UBE2O: variants seen among roughly 807,000 people sequenced by gnomAD.
UBE2O encodes ubiquitin conjugating enzyme E2 O, also known as (E3-independent) E2 ubiquitin-conjugating enzyme.
In UBE2O, 15 loss-of-function variants were observed where a neutral mutation model predicts 125.8. That is an observed-to-expected ratio of 0.12 (90% CI 0.08 to 0.18). UBE2O has a LOEUF of 0.18. UBE2O is among the 10% of genes least tolerant of loss of function. The probability of loss-of-function intolerance (pLI) is 1.00; values close to 1 mark genes in which losing one functional copy is unlikely to be tolerated. For missense variants in UBE2O, 1,280 were observed against 1,723.6 expected (o/e 0.74, Z 4.56); for synonymous variants, 708 against 703.2 (o/e 1.01, Z -0.11).
intron 1 of UBE2O, among the ~76,000 whole-genome samples, chr17:76,419,490 C>T (rs1029777828): frequency 1.3e-5 from 2 of 152,156 alleles, no homozygotes; most frequent in South Asian, 2.1e-4. Flanking sequence ...ACTAAGAAAG[C>T]GAGAGTTGAC....
chr17:76,397,755 G>C, intron 13 of UBE2O, 44 bp downstream of exon 13: 1 of 1,596,398 alleles, frequency 6.3e-7, no homozygotes, highest in Non-Finnish European at 8.6e-7. Context: ...GGCCCAAGTT[G>C]CCATAGTCAC....
Position 76,399,380 on chromosome 17 carries a change from C to G in UBE2O, c.1628+69G>C, listed in dbSNP as rs1002413542. ...GTGTGTGCGAGCGCAGGCACGCACA[C>G]CGAGGGGACGCGCACTCTGCCTGGC... On this transcript the variant is annotated intron_variant, in intron 9 of 17. Transcript: ENST00000319380. The surrounding 1 kb of genome is among the most constrained non-coding windows in gnomAD (Gnocchi z 6.9). 17 of 1,480,680 alleles carry G rather than the reference C, an allele frequency of 1.1e-5. No individual in the cohort carries two copies. In the East Asian group the frequency reaches 3.6e-4, roughly 32 times the overall value. 91.7% of individuals were successfully genotyped at this position (1,480,680 alleles called of 1,614,324 possible). A position where few individuals can be genotyped will look rare whatever the true frequency, so the allele number is the denominator to read the frequency against.
At chr17:76,434,774 C>CTTT (rs751998179) in intron 1 of UBE2O, among the ~76,000 whole-genome samples, 3 of 139,160 alleles carry the variant, frequency 2.2e-5, no homozygotes, top group African/African-American at 5.5e-5. Context: ...TTCACTTAAG[C>CTTT]TTTTTTTTTT....
chr17:76,451,091 C>T (rs1274248651), intron 1 of UBE2O, among the ~76,000 whole-genome samples: 1 of 152,200 alleles, frequency 6.6e-6, no homozygotes, highest in African/African-American at 2.4e-5. Context: ...GCTGGGCCTA[C>T]CTCCCTGAGT....
intron 1 of UBE2O, among the ~76,000 whole-genome samples, chr17:76,426,621 C>T (rs2072815002): frequency 6.6e-6 from 1 of 152,170 alleles, no homozygotes; most frequent in Non-Finnish European, 1.5e-5. Context: ...TGGAACATGT[C>T]TACTTGACTC....
At position 76,399,978 on chromosome 17, in the gene UBE2O, C is replaced by T. The variant is rs1346299442; in HGVS notation, c.1156-57G>A. The T allele has an allele frequency of 1.9e-6, 3 of 1,546,356 alleles. No homozygotes were observed. The highest frequency in any genetic ancestry group is 4.5e-5 in the East Asian group (2 of 44,490). ...TGAGGTGCACCTGGGCAGGCCTGGC[C>T]CTAGGCATCTCAGGCTGGGGGGATG... On this transcript the variant is annotated intron_variant, in intron 8 of 17. Coordinates refer to ENST00000319380, the MANE Select transcript of UBE2O (RefSeq NM_022066.4). This position sits in a 1 kb window ranked among gnomAD's most constrained non-coding sequence, Gnocchi z 6.9.
rs2072490384 is a variant in UBE2O at position 76,410,067 on chromosome 17, G to A, written c.418-4495C>T. 6.6e-6 allele frequency among the ~76,000 whole-genome samples: 1 copy of A among 152,100 alleles called. No homozygotes were observed. The highest frequency in any genetic ancestry group is 1.5e-5 in the Non-Finnish European group (1 of 68,020). Reference sequence around the variant, plus strand: ...GGAGGAGTAGCTGTCAAGGTGCTGGGTGGGGTGACTGGCACAGGCCGGCAA... The same window carrying A: ...GGAGGAGTAGCTGTCAAGGTGCTGGATGGGGTGACTGGCACAGGCCGGCAA... On this transcript the variant is annotated intron_variant, in intron 1 of 17. Transcript: ENST00000319380. The surrounding 1 kb of genome is among the most constrained non-coding windows in gnomAD (Gnocchi z 4.0).
chr17:76,420,531 A>T (rs1012175454), intron 1 of UBE2O, among the ~76,000 whole-genome samples: 3 of 152,158 alleles, frequency 2.0e-5, no homozygotes, highest in Non-Finnish European at 4.4e-5. Context: ...GAGAACCTAC[A>T]CTAGAGGCAC....
At position 76,395,749 on chromosome 17, in the gene UBE2O, C is replaced by A; in HGVS notation, c.2922G>T (p.Met974Ile). ...CCATTCTATCTTCAAAAGTCTTGAC[C>A]ATGATGCCCTCAGGCAGTGAGGTAG... ...LLATSLPEGI[M>I]VKTFEDRMDL... is the part of the protein sequence containing the mutation. Residue 974 changes from methionine (M) to isoleucine (I), a missense_variant, in exon 15 of 18, where the codon ATG (methionine) becomes ATT (isoleucine). Coordinates refer to ENST00000319380, the MANE Select transcript of UBE2O (RefSeq NM_022066.4). This position sits in a 1 kb window ranked among gnomAD's most constrained non-coding sequence, Gnocchi z 5.0. 1 of 1,614,162 alleles carries A rather than the reference C, an allele frequency of 6.2e-7. No homozygotes were observed. The highest frequency in any genetic ancestry group is 1.1e-5 in the South Asian group (1 of 91,082).
intron 1 of UBE2O, among the ~76,000 whole-genome samples, chr17:76,439,631 A>G (rs1468402707): frequency 6.6e-6 from 1 of 152,220 alleles, no homozygotes; most frequent in Non-Finnish European, 1.5e-5. Context: ...CACAAAGCTA[A>G]AAAATTATTG....
rs1318616359 is a variant in UBE2O at position 76,452,632 on chromosome 17, C to A, written c.417+93G>T. ...CGCGTCGGCCACTGCAGTGGCACCG[C>A]TCCGGGCAGGGCCCTGCACGCCGTC... On this transcript the variant is annotated intron_variant, in intron 1 of 17. Coordinates refer to ENST00000319380, the MANE Select transcript of UBE2O (RefSeq NM_022066.4). This position sits in a 1 kb window ranked among gnomAD's most constrained non-coding sequence, Gnocchi z 4.4. 7.4e-6 allele frequency: 9 copies of A among 1,213,994 alleles called. No homozygotes were observed. Among genetic ancestry groups the A allele is most frequent in the Non-Finnish European group, 2.1e-6 (2 of 953,392 alleles). 75.2% of individuals were successfully genotyped at this position (1,213,994 alleles called of 1,614,324 possible).
In UBE2O at chr17:76,445,298, TC is replaced by T. The variant is rs138171021; in HGVS notation, c.417+7426del. ...TTTCAATTATCATAGTCAGACTGTT[TC>T]CCAGGTATAGTTATGCTATCAATTT... On this transcript the variant is annotated intron_variant, in intron 1 of 17. Transcript: ENST00000319380. Among the ~76,000 whole-genome samples, 291 of 152,248 alleles carry T rather than the reference TC, an allele frequency of 1.9e-3. 6 individuals carry two copies. The East Asian group carries it at 0.039, about 20-fold the overall frequency.
rs752959461 is a variant in UBE2O, at chr17:76,413,179, T to C, written c.418-7607A>G. Among the ~76,000 whole-genome samples, 4 of 152,118 alleles carry C rather than the reference T, an allele frequency of 2.6e-5. No individual in the cohort carries two copies. In the South Asian group the frequency reaches 8.3e-4, roughly 31 times the overall value. On this transcript the variant is annotated intron_variant, in intron 1 of 17. Transcript: ENST00000319380. ...TAAAATAAGGTACACATATGGTCTTTAAAGATTTTGCAAGAATCTGACGTA... is the reference window on the plus strand; with the variant it reads ...TAAAATAAGGTACACATATGGTCTTCAAAGATTTTGCAAGAATCTGACGTA...
At chr17:76,437,582 G>A (rs2073019195) in intron 1 of UBE2O, among the ~76,000 whole-genome samples, 1 of 152,258 alleles carries the variant, frequency 6.6e-6, no homozygotes, top group East Asian at 1.9e-4. Context: ...TGTGGCTGAT[G>A]TTAATATCTT....
intron 1 of UBE2O, chr17:76,430,464 C>A: frequency 4.0e-6 from 1 of 252,082 alleles, no homozygotes; most frequent in Middle Eastern, 1.4e-3. Flanking sequence ...TCCCTGTTGG[C>A]AGCAGCTCCA....
At chr17:76,439,362 A>G (rs1028323450) in intron 1 of UBE2O, among the ~76,000 whole-genome samples, 2 of 152,186 alleles carry the variant, frequency 1.3e-5, no homozygotes, top group Non-Finnish European at 2.9e-5. Context: ...GTGGTCCTCA[A>G]AATATGGCCC....
At position 76,395,622 on chromosome 17, in the gene UBE2O, G is replaced by T; in HGVS notation, c.2946+103C>A. On this transcript the variant is annotated intron_variant, in intron 15 of 17. Transcript: ENST00000319380. This position sits in a 1 kb window ranked among gnomAD's most constrained non-coding sequence, Gnocchi z 5.0. Reference sequence around the variant, plus strand: ...GGTGGGTGGGTGAGTGTCCTCGCAGGTGCCAGTCAGCCCCGGAGGTTTGGG... The same window carrying T: ...GGTGGGTGGGTGAGTGTCCTCGCAGTTGCCAGTCAGCCCCGGAGGTTTGGG... 7.0e-7 allele frequency: 1 copy of T among 1,425,274 alleles called. No homozygotes were observed. Among genetic ancestry groups the T allele is most frequent in the Non-Finnish European group, 9.5e-7 (1 of 1,057,672 alleles). 88.3% of individuals were successfully genotyped at this position (1,425,274 alleles called of 1,614,324 possible).
In UBE2O at chr17:76,399,655, G is replaced by A. The variant is rs766630941; in HGVS notation, c.1422C>T (p.His474=). Residue 474 remains histidine, a synonymous_variant, in exon 9 of 18, where the codon CAC becomes CAT. Transcript: ENST00000319380. The surrounding 1 kb of genome is among the most constrained non-coding windows in gnomAD (Gnocchi z 6.9). ...LLKEGRDDRL[H]SAEQDADDEA... is the part of the protein sequence containing the mutation. ...CATCATCTGCGTCCTGCTCTGCCGA[G>A]TGCAGCCTGTCATCTCTGCCTTCTT... 1.9e-6 allele frequency: 3 copies of A among 1,614,212 alleles called. No individual in the cohort carries two copies. Among genetic ancestry groups the A allele is most frequent in the South Asian group, 1.1e-5 (1 of 91,084 alleles).
intron 1 of UBE2O, among the ~76,000 whole-genome samples, chr17:76,413,827 T>C (rs1275996469): frequency 6.6e-6 from 1 of 152,164 alleles, no homozygotes; most frequent in East Asian, 1.9e-4. Flanking sequence ...GTGAGGAACT[T>C]TAACTTTCTG....
Sources: allele counts gnomAD v4.1 joint callset (sites outside exome capture counted in the v4.1 genomes callset), GRCh38; gene constraint gnomAD v4.1.1; non-coding constraint Gnocchi (gnomAD v3.1); transcripts MANE v1.5; gene names NCBI Gene and HGNC (gene_info 2026-07-23, HGNC 2026-07-21).